IQSEC1: variants seen among roughly 807,000 people sequenced by gnomAD.
IQSEC1 encodes the protein IQ motif and SEC7 domain-containing protein 1.
A neutral mutation model predicts 91.0 loss-of-function variants in IQSEC1; 31 were observed. That is an observed-to-expected ratio of 0.34 (90% CI 0.26 to 0.46). The LOEUF (loss-of-function observed/expected upper bound fraction) is 0.46, where lower values mean the gene tolerates loss of function less well. IQSEC1 is among the 20% of genes least tolerant of loss of function. The pLI, the probability that IQSEC1 is intolerant of heterozygous loss-of-function variation, is 1.00. For missense variants in IQSEC1, 1,388 were observed against 1,575.6 expected, an observed-to-expected ratio of 0.88 and a Z score of 2.02; for synonymous variants, 699 against 662.6, an observed-to-expected ratio of 1.05 and a Z score of -0.84.
At chr3:13,218,892 C>T (rs979517706) in intron 1 of IQSEC1, among the ~76,000 whole-genome samples, 10 of 152,146 alleles carry the variant, frequency 6.6e-5, no homozygotes, top group Non-Finnish European at 2.9e-5. Context: ...CCCCCAGAGG[C>T]TTCTACACGT....
chr3:13,245,597 T>A (rs1295221502), intron 1 of IQSEC1, among the ~76,000 whole-genome samples: 1 of 151,832 alleles, frequency 6.6e-6, no homozygotes, highest in African/African-American at 2.4e-5. Flanking sequence ...CAAAACCCCA[T>A]CTCTACTAAA....
intron 2 of IQSEC1, among the ~76,000 whole-genome samples, chr3:13,101,056 G>A (rs1313667599): frequency 6.6e-6 from 1 of 152,050 alleles, no homozygotes; most frequent in African/African-American, 2.4e-5. Flanking sequence ...GAGGCTGGGA[G>A]GGACTGAGCT....
chr3:12,950,566 G>A (rs1699474667), intron 1 of IQSEC1, among the ~76,000 whole-genome samples: 1 of 152,070 alleles, frequency 6.6e-6, no homozygotes, highest in African/African-American at 2.4e-5. Context: ...CGGTGCTTTC[G>A]GAGGCCAGGG....
chr3:13,113,206 C>T (rs989396929), intron 2 of IQSEC1, among the ~76,000 whole-genome samples: 4 of 152,120 alleles, frequency 2.6e-5, no homozygotes, highest in Non-Finnish European at 4.4e-5. Flanking sequence ...GAATCTTGGT[C>T]GGCTGCCCCT....
intron 1 of IQSEC1, among the ~76,000 whole-genome samples, chr3:13,007,230 C>T (rs1446774292): frequency 6.6e-6 from 1 of 152,216 alleles, no homozygotes; most frequent in Non-Finnish European, 1.5e-5. Context: ...GGACAGAACC[C>T]CTAGGAAGAG....
chr3:13,235,886 C>A (rs774532784), intron 1 of IQSEC1, among the ~76,000 whole-genome samples: 1 of 152,190 alleles, frequency 6.6e-6, no homozygotes, highest in Non-Finnish European at 1.5e-5. Flanking sequence ...TTCCCTGTAG[C>A]CACCAGCCCC....
At chr3:13,060,083 C>T (rs1281320148) in intron 1 of IQSEC1, among the ~76,000 whole-genome samples, 3 of 152,128 alleles carry the variant, frequency 2.0e-5, no homozygotes, top group Non-Finnish European at 4.4e-5. Context: ...ACTGTGTGCC[C>T]GGTATATGAC....
intron 1 of IQSEC1, among the ~76,000 whole-genome samples, chr3:13,264,532 C>A (rs1314449402): frequency 6.6e-6 from 1 of 152,190 alleles, no homozygotes; most frequent in Non-Finnish European, 1.5e-5. Flanking sequence ...GTGCCCGGCA[C>A]CCCCTCCTCC....
intron 8 of IQSEC1, among the ~76,000 whole-genome samples, chr3:12,913,865 T>C (rs1695809307): frequency 6.6e-6 from 1 of 152,146 alleles, no homozygotes; most frequent in Non-Finnish European, 1.5e-5. Flanking sequence ...TCTTAAACTA[T>C]CACGTTCACC....
At chr3:13,083,624 G>A (rs1705684564) in intron 2 of IQSEC1, among the ~76,000 whole-genome samples, 1 of 152,276 alleles carries the variant, frequency 6.6e-6, no homozygotes, top group African/African-American at 2.4e-5. Context: ...GCAGTCAGAA[G>A]CCTGGCCTGT....
At chr3:13,152,914 T>C (rs1707023478) in intron 2 of IQSEC1, among the ~76,000 whole-genome samples, 1 of 152,056 alleles carries the variant, frequency 6.6e-6, no homozygotes, top group Admixed American at 6.5e-5. Context: ...AAAAGTGTTC[T>C]TGGTTCTTTT....
Position 13,214,539 on chromosome 3 carries a change from G to C in IQSEC1, c.273-50406C>G, listed in dbSNP as rs1160375237. On this transcript the variant is annotated intron_variant, in intron 1 of 15. Coordinates refer to the IQSEC1 transcript ENST00000648114. This position sits in a 1 kb window ranked among gnomAD's most constrained non-coding sequence, Gnocchi z 4.5. ...CTTTCATGGCCTCCATTGCACGTGG[G>C]TGCAGCCTGGGGCCTCTCACTGCCA... 6.6e-6 allele frequency among the ~76,000 whole-genome samples: 1 copy of C among 152,272 alleles called. No individual in the cohort carries two copies. Among genetic ancestry groups the C allele is most frequent in the Non-Finnish European group, 1.5e-5 (1 of 68,054 alleles).
In IQSEC1 at chr3:12,967,280, G is replaced by T; in HGVS notation, c.24-25415C>A. ...GGCAGCTTTCTCTCGCACGCCGGGCGCCCGGTCCCGACGGTCACCCGCACT... is the reference window on the plus strand; with the variant it reads ...GGCAGCTTTCTCTCGCACGCCGGGCTCCCGGTCCCGACGGTCACCCGCACT... On this transcript the variant is annotated intron_variant, in intron 1 of 13. Coordinates refer to ENST00000613206, the MANE Select transcript of IQSEC1 (RefSeq NM_001134382.3). The surrounding 1 kb of genome is among the most constrained non-coding windows in gnomAD (Gnocchi z 5.9). 1.1e-6 allele frequency: 1 copy of T among 948,420 alleles called. No homozygotes were observed. The highest frequency in any genetic ancestry group is 1.5e-6 in the Non-Finnish European group (1 of 667,650). The allele number at this position is 948,420 out of a possible 1,614,324, so 58.8% of individuals were successfully genotyped here.
chr3:12,964,747 C>A (rs1700454410), intron 1 of IQSEC1, among the ~76,000 whole-genome samples: 1 of 152,144 alleles, frequency 6.6e-6, no homozygotes, highest in African/African-American at 2.4e-5. Flanking sequence ...CTCAAGCTGC[C>A]CTGGATTCCA....
chr3:13,098,067 T>C (rs1705994946), intron 2 of IQSEC1, among the ~76,000 whole-genome samples: 1 of 152,264 alleles, frequency 6.6e-6, no homozygotes, highest in Admixed American at 6.5e-5. Flanking sequence ...TCAATGTCTG[T>C]CCTGCCCTGT....
chr3:12,937,820 G>T (rs1378939036), intron 2 of IQSEC1, among the ~76,000 whole-genome samples: 1 of 152,216 alleles, frequency 6.6e-6, no homozygotes, highest in East Asian at 1.9e-4. Context: ...GCCCAGAGAA[G>T]AGACTCAACA....
intron 3 of IQSEC1, among the ~76,000 whole-genome samples, chr3:12,930,730 T>C (rs1312453583): frequency 6.6e-6 from 1 of 152,070 alleles, no homozygotes. Context: ...TTAACCCAGT[T>C]TGATAGAGTT....
chr3:12,922,272 G>C lies in IQSEC1; in HGVS notation c.1731-30C>G. 1.3e-6 allele frequency: 2 copies of C among 1,524,672 alleles called. No homozygotes were observed. The highest frequency in any genetic ancestry group is 1.8e-6 in the Non-Finnish European group (2 of 1,124,188). 94.4% of individuals were successfully genotyped at this position (1,524,672 alleles called of 1,614,324 possible). On this transcript the variant is annotated intron_variant, in intron 4 of 13. Transcript: ENST00000613206. The surrounding 1 kb of genome is among the most constrained non-coding windows in gnomAD (Gnocchi z 5.1). Reference sequence around the variant, plus strand: ...AATAGAGACAGACAGCCCCGCATAAGCACCCCTTGCAGGTGCGACACGCCC... The same window carrying C: ...AATAGAGACAGACAGCCCCGCATAACCACCCCTTGCAGGTGCGACACGCCC...
intron 2 of IQSEC1, among the ~76,000 whole-genome samples, chr3:13,084,832 C>G (rs1436514587): frequency 1.3e-5 from 2 of 152,324 alleles, no homozygotes; most frequent in East Asian, 1.9e-4. Context: ...TGCTCAGACC[C>G]TGTCTGGGTC....
Sources: gnomAD v4.1 joint callset for allele counts (sites outside exome capture counted in the v4.1 genomes callset) on GRCh38, gnomAD v4.1.1 for gene constraint, Gnocchi (gnomAD v3.1) non-coding constraint, MANE v1.5 for transcripts, NCBI Gene and HGNC (gene_info 2026-07-23, HGNC 2026-07-21) for gene names.